THSD4: variants seen among roughly 807,000 people sequenced by gnomAD.
The protein encoded by THSD4 is thrombospondin type 1 domain containing 4.
Under a neutral mutation model 119.0 loss-of-function variants are expected in THSD4, and 69 were observed. The ratio of observed to expected loss-of-function variants is 0.58; its 90% CI spans 0.48 to 0.71. THSD4 has a LOEUF of 0.71. Ranked by LOEUF, THSD4 falls within the 30% of genes least tolerant of loss-of-function variation. The probability of loss-of-function intolerance (pLI) is 0.00; values close to 1 mark genes in which losing one functional copy is unlikely to be tolerated. For synonymous variants in THSD4, 524 were observed against 540.4 expected (o/e 0.97, Z 0.42); for missense variants, 1,393 against 1,391.1 (o/e 1.00, Z -0.02).
intron 7 of THSD4, among the ~76,000 whole-genome samples, chr15:71,609,094 C>A (rs1028240496): frequency 6.6e-6 from 1 of 152,116 alleles, no homozygotes; most frequent in South Asian, 2.1e-4. Context: ...AGAACATTAA[C>A]TACCAGCTGA....
intron 7 of THSD4, among the ~76,000 whole-genome samples, chr15:71,499,873 A>G (rs567537623): frequency 2.6e-5 from 4 of 152,324 alleles, no homozygotes; most frequent in Admixed American, 2.0e-4. Flanking sequence ...TTGTATGAAT[A>G]TGCCACTTTA....
chr15:71,419,165 T>G (rs2046785146), intron 7 of THSD4, among the ~76,000 whole-genome samples: 1 of 104,172 alleles, frequency 9.6e-6, no homozygotes, highest in South Asian at 3.1e-4. Flanking sequence ...TTCATTTATT[T>G]CTGCTCTGAT....
At chr15:71,399,410 G>A (rs1405098597) in intron 6 of THSD4, among the ~76,000 whole-genome samples, 2 of 152,208 alleles carry the variant, frequency 1.3e-5, no homozygotes, top group African/African-American at 4.8e-5. Flanking sequence ...AAAAAGGGAA[G>A]AGAAGTTCCT....
rs528581418 is a variant in THSD4 at position 71,694,452 on chromosome 15, G to T, written c.1357+33718G>T. On this transcript the variant is annotated intron_variant, in intron 8 of 17. Transcript: ENST00000261862. ...TTTAACATGGTTAAGCTTTTGCAAG[G>T]ATTATACATTTTCCTTCCAGTTGTG... 3.9e-5 allele frequency among the ~76,000 whole-genome samples: 6 copies of T among 152,240 alleles called. No homozygotes were observed. The East Asian group carries it at 1.2e-3, about 29-fold the overall frequency.
intron 6 of THSD4, among the ~76,000 whole-genome samples, chr15:71,403,721 G>A (rs569954659): frequency 6.6e-6 from 1 of 152,336 alleles, no homozygotes; most frequent in African/African-American, 2.4e-5. Flanking sequence ...AATAAAAGCA[G>A]TAGATCTCTC....
At chr15:71,738,610 C>T (rs2053174656) in intron 11 of THSD4, among the ~76,000 whole-genome samples, 1 of 152,184 alleles carries the variant, frequency 6.6e-6, no homozygotes, top group Non-Finnish European at 1.5e-5. Flanking sequence ...GCGCCAGCTT[C>T]CAGGTGTTGC....
At chr15:71,122,520 G>A (rs114999383) in intron 1 of THSD4, among the ~76,000 whole-genome samples, 1 of 152,130 alleles carries the variant, frequency 6.6e-6, no homozygotes, top group African/African-American at 2.4e-5. Flanking sequence ...CTGTCTTCTT[G>A]GCCTCTTTCA....
intron 7 of THSD4, among the ~76,000 whole-genome samples, chr15:71,517,582 C>T (rs529605607): frequency 6.6e-6 from 1 of 152,330 alleles, no homozygotes; most frequent in Admixed American, 6.5e-5. Flanking sequence ...ATAAGGGATA[C>T]CTCCTAGCAG....
intron 7 of THSD4, among the ~76,000 whole-genome samples, chr15:71,468,924 C>T (rs888742689): frequency 6.6e-6 from 1 of 152,212 alleles, no homozygotes; most frequent in African/African-American, 2.4e-5. Context: ...GTCACATGAC[C>T]ACACCTAGTT....
At chr15:71,216,483 C>T (rs769495665) in intron 4 of THSD4, among the ~76,000 whole-genome samples, 5 of 152,232 alleles carry the variant, frequency 3.3e-5, no homozygotes, top group Non-Finnish European at 7.3e-5. Context: ...CCAGCCTCCC[C>T]AGCCACATGC....
intron 6 of THSD4, among the ~76,000 whole-genome samples, chr15:71,296,746 T>C (rs1219591689): frequency 3.3e-5 from 5 of 152,242 alleles, no homozygotes; most frequent in African/African-American, 1.2e-4. Flanking sequence ...TCAGTGCATC[T>C]GAAAACGTCG....
At position 71,411,759 on chromosome 15, in the gene THSD4, A is replaced by C. The variant is rs1314141149; in HGVS notation, c.1088A>C (p.Lys363Thr). Residue 363 changes from lysine to threonine, a missense_variant, in exon 7 of 18, where the codon AAA becomes ACA. Transcript: ENST00000261862. ...GYRFYVRQAE[K>T]VIDGTPCDQN... ...CGCTTCTATGTACGGCAAGCTGAGA[A>C]AGTCATCGATGGCACCCCCTGTGAC... 1.2e-6 allele frequency: 2 copies of C among 1,614,004 alleles called. No homozygotes were observed. The highest frequency in any genetic ancestry group is 1.7e-6 in the Non-Finnish European group (2 of 1,180,018).
chr15:71,149,492 G>A (rs990897395), intron 2 of THSD4, among the ~76,000 whole-genome samples: 1 of 151,974 alleles, frequency 6.6e-6, no homozygotes, highest in Admixed American at 6.6e-5. Flanking sequence ...CAAGTGATCC[G>A]CCTGCCTCGG....
intron 7 of THSD4, among the ~76,000 whole-genome samples, chr15:71,426,937 A>G (rs7165365): frequency 0.66 from 100,275 of 151,950 alleles, 33,332 homozygotes; most frequent in Middle Eastern, 0.79. Flanking sequence ...GAAATTGGTT[A>G]TGAAACCTCC....
At chr15:71,325,858 A>G (rs1273039329) in intron 6 of THSD4, among the ~76,000 whole-genome samples, 1 of 152,242 alleles carries the variant, frequency 6.6e-6, no homozygotes, top group African/African-American at 2.4e-5. Flanking sequence ...GGGGACACCT[A>G]TAGGTTATGA....
At chr15:71,532,306 G>GTGTA (rs2048625221) in intron 7 of THSD4, among the ~76,000 whole-genome samples, 1 of 150,308 alleles carries the variant, frequency 6.7e-6, no homozygotes, top group Non-Finnish European at 1.5e-5. Flanking sequence ...GTGTGTGTGT[G>GTGTA]TGTGTGTGTG....
chr15:71,651,877 A>G (rs573463850), intron 7 of THSD4, among the ~76,000 whole-genome samples: 1 of 152,320 alleles, frequency 6.6e-6, no homozygotes, highest in East Asian at 1.9e-4. Context: ...TAGAGGTGCC[A>G]TCTTGTGGAG....
Position 71,325,099 on chromosome 15 carries a change from A to G in THSD4, c.1015+68384A>G, listed in dbSNP as rs149842239. On this transcript the variant is annotated intron_variant, in intron 6 of 17. Transcript: ENST00000261862. ...TTTCATGTTTGTCGGCCATTTGTAT[A>G]TCTTCTTTAAAGAAATATCTATTCA... Among the ~76,000 whole-genome samples, 113 of 152,298 alleles carry G rather than the reference A, an allele frequency of 7.4e-4. 3 individuals carry two copies. In the East Asian group the frequency reaches 0.021, roughly 29 times the overall value.
chr15:71,341,475 G>C (rs2045575405), intron 6 of THSD4: 3 of 1,613,202 alleles, frequency 1.9e-6, no homozygotes. Context: ...CACCGACCTT[G>C]TGTCCAGCCC....
Sources: gnomAD v4.1 joint callset for allele counts (sites outside exome capture counted in the v4.1 genomes callset) on GRCh38, gnomAD v4.1.1 for gene constraint, MANE v1.5 for transcripts, NCBI Gene and HGNC (gene_info 2026-07-23, HGNC 2026-07-21) for gene names.